Variants in SCARB2 observed in about 807,000 individuals in gnomAD.
The protein encoded by SCARB2 is scavenger receptor class B member 2.
A neutral mutation model predicts 58.6 loss-of-function variants in SCARB2; 29 were observed. The observed-to-expected ratio is 0.49, with a 90% CI of 0.37 to 0.67. The LOEUF (loss-of-function observed/expected upper bound fraction) is 0.67, where lower values mean the gene tolerates loss of function less well. Among genes scored for constraint, SCARB2 ranks in the 30% least tolerant of loss-of-function variants. The pLI, the probability that SCARB2 is intolerant of heterozygous loss-of-function variation, is 0.00. For synonymous variants in SCARB2, 195 were observed against 210.1 expected (o/e 0.93, Z 0.62); for missense variants, 488 against 578.5 (o/e 0.84, Z 1.60).
Position 76,175,899 on chromosome 4 carries a change from C to T in SCARB2, c.716G>A (p.Trp239Ter), listed in dbSNP as rs755176349. 1 of 1,613,738 alleles carries T rather than the reference C, an allele frequency of 6.2e-7. No individual in the cohort carries two copies. The highest frequency in any genetic ancestry group is 1.1e-5 in the South Asian group (1 of 91,076). Residue 239 changes from tryptophan (W) to a stop codon, truncating the protein, a stop_gained, in exon 6 of 12, where the codon TGG (tryptophan) becomes TAG (stop). Coordinates refer to ENST00000264896, the MANE Select transcript of SCARB2 (RefSeq NM_005506.4). LOFTEE classifies it high-confidence loss of function. ...VEWNGKTSLD[W>*]WITDKCNMIN... is the part of the protein sequence containing the mutation. ...CATATTGCACTTGTCTGTTATCCACCAGTCAAGTGACCTATAATTGATAAG... is the reference window on the plus strand; with the variant it reads ...CATATTGCACTTGTCTGTTATCCACTAGTCAAGTGACCTATAATTGATAAG...
intron 2 of SCARB2, among the ~76,000 whole-genome samples, chr4:76,188,474 A>G (rs1732532482): frequency 6.6e-6 from 1 of 150,896 alleles, no homozygotes; most frequent in African/African-American, 2.5e-5. Flanking sequence ...GCCACTGTAA[A>G]TCCTGTGTCA....
chr4:76,191,273 G>A (rs990686114), intron 2 of SCARB2, among the ~76,000 whole-genome samples: 1 of 152,112 alleles, frequency 6.6e-6, no homozygotes, highest in Non-Finnish European at 1.5e-5. Flanking sequence ...TAGCAACAGG[G>A]TTCATCTTTA....
Position 76,181,004 on chromosome 4 carries a change from C to A in SCARB2, c.373G>T (p.Val125Phe). The A allele has an allele frequency of 6.2e-7, 1 of 1,613,668 alleles. No homozygotes were observed. The highest frequency in any genetic ancestry group is 8.5e-7 in the Non-Finnish European group (1 of 1,179,818). ...ATTAAGTCAATTTTAGGGTCTCCAA[C>A]AGATTGGTCTCGTTCAAAAACATAG... ...KAYVFERDQS[V>F]GDPKIDLIRT... The change falls in exon 3 of 12, where the codon GTT becomes TTT. Residue 125 changes from valine to phenylalanine, a missense_variant. Val to Phe is a conservative substitution (Grantham distance 50). Transcript: ENST00000264896.
intron 1 of SCARB2, among the ~76,000 whole-genome samples, chr4:76,196,650 C>G (rs1472937030): frequency 6.6e-6 from 1 of 152,222 alleles, no homozygotes; most frequent in Non-Finnish European, 1.5e-5. Context: ...TCCATCCCTA[C>G]CGCCTCCACC....
Position 76,161,482 on chromosome 4 carries a change from T to C in SCARB2, c.*231A>G, listed in dbSNP as rs2109930307. 1.7e-6 allele frequency: 1 copy of C among 587,458 alleles called. No homozygotes were observed. The highest frequency in any genetic ancestry group is 3.0e-5 in the Admixed American group (1 of 33,828). The allele number at this position is 587,458 out of a possible 1,614,324, so 36.4% of individuals were successfully genotyped here. A position where few individuals can be genotyped will look rare whatever the true frequency, so the allele number is the denominator to read the frequency against. On this transcript the variant is annotated 3_prime_UTR_variant, in exon 12 of 12. Coordinates refer to ENST00000264896, the MANE Select transcript of SCARB2 (RefSeq NM_005506.4). ...ATACAAGGGTTTATTAAATACTTGC[T>C]AGACACATAAAAGAACAATTTCAGA...
intron 10 of SCARB2, chr4:76,165,892 G>T (rs188511047): frequency 2.8e-6 from 1 of 358,256 alleles, no homozygotes; most frequent in Non-Finnish European, 5.2e-6. Context: ...TTCAAAGAAG[G>T]GGGAGACAAA....
At chr4:76,234,403 C>CAT (rs1733547544) in exon 1 of SCARB2, 1 of 152,254 alleles carries the variant, frequency 6.6e-6, no homozygotes, top group Admixed American at 6.5e-5. Flanking sequence ...AAAATTCAGG[C>CAT]TTGCAGACAA....
At chr4:76,188,779 G>A (rs1001785559) in intron 2 of SCARB2, among the ~76,000 whole-genome samples, 1 of 152,172 alleles carries the variant, frequency 6.6e-6, no homozygotes, top group Non-Finnish European at 1.5e-5. Context: ...AGACTAACAG[G>A]CCCCATAGAA....
chr4:76,166,320 A>C lies in SCARB2; in HGVS notation c.1188-19T>G. 2 of 1,613,212 alleles carry C rather than the reference A, an allele frequency of 1.2e-6. No individual in the cohort carries two copies. The highest frequency in any genetic ancestry group is 2.2e-5 in the South Asian group (2 of 91,070). ...CGTTTCACTACAAAGACAAAGGATG[A>C]GATTGTTTCAGAAACATCCTCATCA... On this transcript the variant is annotated intron_variant, in intron 9 of 11. Coordinates refer to ENST00000264896, the MANE Select transcript of SCARB2 (RefSeq NM_005506.4).
intron 2 of SCARB2, chr4:76,192,512 T>C (rs1732626408): frequency 6.6e-6 from 1 of 152,216 alleles, no homozygotes; most frequent in Non-Finnish European, 1.5e-5. Flanking sequence ...GTCGCCTGGC[T>C]GCTTCTAACA....
chr4:76,218,599 T>C (rs912407293), upstream of SCARB2, among the ~76,000 whole-genome samples: 2 of 152,238 alleles, frequency 1.3e-5, no homozygotes, highest in Admixed American at 1.3e-4. Context: ...GGTTTGGTTT[T>C]TATTTTGTTT....
rs139315203 is a variant in SCARB2, at chr4:76,174,256, C to A, written c.882G>T (p.Arg294=). The A allele has an allele frequency of 6.2e-7, 1 of 1,614,146 alleles. No homozygotes were observed. The highest frequency in any genetic ancestry group is 2.2e-5 in the East Asian group (1 of 44,886). ...CTAATATTTCTGCAGGAACTTTATA[C>A]CGAAAGGCAGGCAGTCCCTGTACAC... is the stretch of plus-strand genomic sequence containing the variant. ...YESVQGLPAF[R]YKVPAEILAN... Residue 294 remains arginine, a synonymous_variant, in exon 7 of 12, where the codon CGG becomes CGT. Coordinates refer to ENST00000264896, the MANE Select transcript of SCARB2 (RefSeq NM_005506.4).
intron 1 of SCARB2, among the ~76,000 whole-genome samples, chr4:76,228,949 C>T (rs756184022): frequency 1.3e-5 from 2 of 152,132 alleles, no homozygotes; most frequent in African/African-American, 2.4e-5. Flanking sequence ...TTAAATTTCT[C>T]TTCTTCCACA....
At chr4:76,166,674 C>T (rs182043941) in intron 9 of SCARB2, 31 of 341,558 alleles carry the variant, frequency 9.1e-5, no homozygotes, top group African/African-American at 5.1e-4. Flanking sequence ...GCATGTACCA[C>T]GTGCCAGCTC....
At position 76,166,293 on chromosome 4, in the gene SCARB2, C is replaced by G; in HGVS notation, c.1196G>C (p.Gly399Ala). The G allele has an allele frequency of 6.2e-7, 1 of 1,614,126 alleles. No homozygotes were observed. Among genetic ancestry groups the G allele is most frequent in the Non-Finnish European group, 8.5e-7 (1 of 1,180,004 alleles). ...VKKLDDFVET[G>A]DIRTMVFPVM... ...TGGGAAAACCATGGTTCTAATGTCT[C>G]CCGTTTCACTACAAAGACAAAGGAT... The change falls in exon 10 of 12, where the codon GGA (glycine) becomes GCA (alanine). Residue 399 changes from glycine to alanine, a missense_variant. By Grantham distance (60) the Gly-to-Ala change is moderately conservative. Transcript: ENST00000264896.
At chr4:76,234,142 G>A (rs1733541504) in intron 1 of SCARB2, among the ~76,000 whole-genome samples, 1 of 152,152 alleles carries the variant, frequency 6.6e-6, no homozygotes, top group Non-Finnish European at 1.5e-5. Flanking sequence ...AGGGTGGAGG[G>A]GAGCCGCTGC....
intron 1 of SCARB2, among the ~76,000 whole-genome samples, chr4:76,221,151 C>T (rs1227739914): frequency 6.6e-6 from 1 of 152,176 alleles, no homozygotes; most frequent in African/African-American, 2.4e-5. Context: ...GAAGAAAAAC[C>T]CATTGTGGCA....
chr4:76,232,304 T>G (rs985325829), intron 1 of SCARB2, among the ~76,000 whole-genome samples: 2 of 152,232 alleles, frequency 1.3e-5, no homozygotes, highest in African/African-American at 4.8e-5. Flanking sequence ...ACATTTCAGC[T>G]CTTCATGAGT....
chr4:76,180,837 T>C (rs1732367054), intron 3 of SCARB2, 117 bp downstream of exon 3: 1 of 765,822 alleles, frequency 1.3e-6, no homozygotes, highest in Non-Finnish European at 2.0e-6. Context: ...TTTCTTTTTA[T>C]ATATGTATAT....
Sources: allele counts gnomAD v4.1 joint callset (sites outside exome capture counted in the v4.1 genomes callset), GRCh38; gene constraint gnomAD v4.1.1; transcripts MANE v1.5; gene names NCBI Gene and HGNC (gene_info 2026-07-23, HGNC 2026-07-21).